Variants in CNTN3 observed in about 807,000 individuals in gnomAD.
CNTN3 encodes the protein contactin-3.
Under a neutral mutation model 119.1 loss-of-function variants are expected in CNTN3, and 60 were observed. That is an observed-to-expected ratio of 0.50 (90% CI 0.41 to 0.62). The LOEUF (loss-of-function observed/expected upper bound fraction) is 0.62, where lower values mean the gene tolerates loss of function less well. CNTN3 is among the 20% of genes least tolerant of loss of function. The probability of loss-of-function intolerance (pLI) is 0.00; values close to 1 mark genes in which losing one functional copy is unlikely to be tolerated. For synonymous variants in CNTN3, 450 were observed against 438.7 expected, an observed-to-expected ratio of 1.03 and a Z score of -0.32; for missense variants, 1,101 against 1,242.4, an observed-to-expected ratio of 0.89 and a Z score of 1.71.
chr3:74,265,681 C>CTAA (rs1390205481), intron 22 of CNTN3, among the ~76,000 whole-genome samples: 1 of 152,118 alleles, frequency 6.6e-6, no homozygotes, highest in Admixed American at 6.6e-5. Flanking sequence ...TCTTCAGTTA[C>CTAA]TAATGTCTGC....
At chr3:74,295,420 T>C (rs1702318889) in intron 18 of CNTN3, among the ~76,000 whole-genome samples, 184 bp from the exon 19 acceptor site, 1 of 152,230 alleles carries the variant, frequency 6.6e-6, no homozygotes, top group South Asian at 2.1e-4. Context: ...GATGGCATCA[T>C]AGCCAAAGGC....
intron 4 of CNTN3, among the ~76,000 whole-genome samples, chr3:74,472,631 A>G (rs1702586264): frequency 6.6e-6 from 1 of 152,250 alleles, no homozygotes; most frequent in East Asian, 1.9e-4. Flanking sequence ...CTTGGTTTTA[A>G]AAAGTCACAA....
chr3:74,472,965 C>G (rs1360427142), intron 4 of CNTN3, among the ~76,000 whole-genome samples: 1 of 152,066 alleles, frequency 6.6e-6, no homozygotes, highest in Non-Finnish European at 1.5e-5. Flanking sequence ...GCCAGCCACT[C>G]TGGGATTCAT....
chr3:74,610,785 T>G (rs1705067627), intron 1 of CNTN3, among the ~76,000 whole-genome samples: 1 of 151,894 alleles, frequency 6.6e-6, no homozygotes, highest in Admixed American at 6.6e-5. Flanking sequence ...TGGGTGAACA[T>G]GGAGGGAAGT....
At chr3:74,415,707 C>T (rs1450551439) in intron 5 of CNTN3, among the ~76,000 whole-genome samples, 1 of 152,156 alleles carries the variant, frequency 6.6e-6, no homozygotes. Context: ...GAAATGAGAG[C>T]TGGGGAGCCT....
chr3:74,551,564 T>C (rs1315099887), intron 1 of CNTN3, among the ~76,000 whole-genome samples: 1 of 151,952 alleles, frequency 6.6e-6, no homozygotes. Flanking sequence ...TATCCACCAT[T>C]ACAGTAACAT....
chr3:74,340,009 T>C, intron 11 of CNTN3, among the ~76,000 whole-genome samples: 1 of 152,102 alleles, frequency 6.6e-6, no homozygotes, highest in East Asian at 1.9e-4. Context: ...ATAGATAGAA[T>C]ATATTTTAAA....
intron 2 of CNTN3, among the ~76,000 whole-genome samples, chr3:74,509,941 C>T (rs1396048776): frequency 1.3e-5 from 2 of 151,754 alleles, no homozygotes; most frequent in South Asian, 2.1e-4. Context: ...CCCTCATCCC[C>T]GGGCTTTATA....
chr3:74,525,450 A>T (rs754371466), intron 1 of CNTN3, among the ~76,000 whole-genome samples: 32 of 151,864 alleles, frequency 2.1e-4, no homozygotes, highest in Non-Finnish European at 4.0e-4. Context: ...ATTGCCATGT[A>T]TCATCACGGA....
In CNTN3 at chr3:74,519,204, G is replaced by A. The variant is rs13081651; in HGVS notation, c.55+1854C>T. 4.0e-3 allele frequency among the ~76,000 whole-genome samples: 613 copies of A among 151,660 alleles called. 4 individuals carry two copies. The highest frequency in any genetic ancestry group is 6.4e-3 in the Non-Finnish European group (436 of 67,780). The stretch of plus-strand genomic sequence containing the variant: ...CATGGAAACATATCTACATATATGT[G>A]CAAATATATATAATTACATATAATT... On this transcript the variant is annotated intron_variant, in intron 2 of 22. Coordinates refer to ENST00000263665, the MANE Select transcript of CNTN3 (RefSeq NM_020872.3).
At chr3:74,492,129 C>G (rs4076052) in intron 3 of CNTN3, among the ~76,000 whole-genome samples, 11 of 152,118 alleles carry the variant, frequency 7.2e-5, no homozygotes, top group Non-Finnish European at 1.0e-4. Flanking sequence ...TCAGTGTCAG[C>G]CTTCAGTGTT....
rs144120697 is a variant in CNTN3, at chr3:74,560,016, G to A, written c.-80-38824C>T. Among the ~76,000 whole-genome samples, 308 of 152,208 alleles carry A rather than the reference G, an allele frequency of 2.0e-3. 2 individuals are homozygous for A. Among genetic ancestry groups the A allele is most frequent in the African/African-American group, 7.0e-3 (290 of 41,552 alleles). On this transcript the variant is annotated intron_variant, in intron 1 of 22. Transcript: ENST00000263665. ...CCATTCAAAGAGTGGCAACTCAACA[G>A]GCATGCTATTTCTGCAGTCACCCAA...
chr3:74,451,811 G>C (rs1280640859), intron 4 of CNTN3, among the ~76,000 whole-genome samples: 15 of 150,864 alleles, frequency 9.9e-5, no homozygotes, highest in African/African-American at 2.9e-4. Context: ...ATTTGTCAAA[G>C]ATCAGATAGT....
At chr3:74,325,711 AAGTATT>A (rs1306659770) in intron 13 of CNTN3, among the ~76,000 whole-genome samples, 1 of 152,170 alleles carries the variant, frequency 6.6e-6, no homozygotes, top group Non-Finnish European at 1.5e-5. Flanking sequence ...CCTCTAAGTA[AAGTATT>A]ATCAACATCT....
intron 13 of CNTN3, among the ~76,000 whole-genome samples, chr3:74,305,141 T>C (rs755854633): frequency 9.2e-5 from 14 of 152,228 alleles, no homozygotes; most frequent in Non-Finnish European, 1.3e-4. Context: ...TAAAAGGTGG[T>C]GTAAACATGT....
chr3:74,527,626 T>C (rs983911173), intron 1 of CNTN3, among the ~76,000 whole-genome samples: 1 of 151,946 alleles, frequency 6.6e-6, no homozygotes, highest in Non-Finnish European at 1.5e-5. Flanking sequence ...TACCTAATCA[T>C]GCCAACCGAC....
At chr3:74,594,921 A>G (rs986007113) in intron 1 of CNTN3, among the ~76,000 whole-genome samples, 3 of 152,064 alleles carry the variant, frequency 2.0e-5, no homozygotes, top group Non-Finnish European at 4.4e-5. Context: ...CAACAGTGTC[A>G]AAGTGTTCCT....
intron 22 of CNTN3, 21 bp from the exon 23 acceptor site, chr3:74,264,522 C>T: frequency 6.7e-7 from 1 of 1,488,862 alleles, no homozygotes; most frequent in Non-Finnish European, 9.3e-7. Flanking sequence ...TGATGAAGAG[C>T]TCATTAATAA....
intron 1 of CNTN3, among the ~76,000 whole-genome samples, chr3:74,596,545 T>C (rs1011986945): frequency 6.6e-6 from 1 of 152,022 alleles, no homozygotes; most frequent in African/African-American, 2.4e-5. Context: ...TATCTACAAC[T>C]ATCTGATCTT....
Sources: gnomAD v4.1 joint callset for allele counts (sites outside exome capture counted in the v4.1 genomes callset) on GRCh38, gnomAD v4.1.1 for gene constraint, MANE v1.5 for transcripts, NCBI Gene and HGNC (gene_info 2026-07-23, HGNC 2026-07-21) for gene names.